The following BRI3 variants were observed in gnomAD, a reference collection of about 807,000 sequenced individuals.
BRI3 encodes brain protein I3.
Under a neutral mutation model 12.8 loss-of-function variants are expected in BRI3, and 6 were observed. That is an observed-to-expected ratio of 0.47 (90% CI 0.26 to 0.93). The LOEUF (loss-of-function observed/expected upper bound fraction) is 0.93, where lower values mean the gene tolerates loss of function less well. Ranked by LOEUF, BRI3 falls within the 40% of genes least tolerant of loss-of-function variation. The pLI is 0.15. For synonymous variants in BRI3, 91 were observed against 76.1 expected, an observed-to-expected ratio of 1.20 and a Z score of -1.02; for missense variants, 134 against 171.1, an observed-to-expected ratio of 0.78 and a Z score of 1.21.
At chr7:98,296,469 T>C (rs938499219), downstream of BRI3, among the ~76,000 whole-genome samples, 4 of 151,842 alleles carry the variant, frequency 2.6e-5, no homozygotes, top group African/African-American at 9.7e-5. Flanking sequence ...CTACTAAAAA[T>C]ACAAAATTAG....
upstream of BRI3, among the ~76,000 whole-genome samples, chr7:98,304,752 T>C (rs562219280): frequency 1.3e-5 from 2 of 152,146 alleles, no homozygotes; most frequent in African/African-American, 2.4e-5. Context: ...TTTCACCATA[T>C]TGGCCAGGCT....
chr7:98,307,461 A>T (rs1435196477), intron 1 of BRI3: 1 of 1,402,942 alleles, frequency 7.1e-7, no homozygotes, highest in East Asian at 2.7e-5. Context: ...CAGACAGGTG[A>T]CTTCATACGC....
upstream of BRI3, among the ~76,000 whole-genome samples, chr7:98,301,606 C>T (rs376131323): frequency 9.9e-5 from 15 of 151,930 alleles, no homozygotes; most frequent in Non-Finnish European, 1.8e-4. Flanking sequence ...CGTGAGCCAC[C>T]GTGCCCGGCC....
chr7:98,298,567 GGT>G (rs1800287045), intron 1 of BRI3, among the ~76,000 whole-genome samples: 1 of 151,842 alleles, frequency 6.6e-6, no homozygotes, highest in Admixed American at 6.6e-5. Flanking sequence ...GAGCCGAGAT[GGT>G]GCCACTGCAC....
downstream of BRI3, among the ~76,000 whole-genome samples, chr7:98,296,334 ATATG>A (rs1037492837): frequency 6.6e-6 from 1 of 152,220 alleles, no homozygotes; most frequent in African/African-American, 2.4e-5. Context: ...TTACTTTAAA[ATATG>A]TATTGGGCCA....
At chr7:98,293,439 C>G (rs769200120), downstream of BRI3, 12 of 1,318,064 alleles carry the variant, frequency 9.1e-6, no homozygotes, top group Non-Finnish European at 1.1e-5. Context: ...GCTTCCCGAC[C>G]GTCAGCACGT....
chr7:98,318,314 T>A, the BRI3 span, among the ~76,000 whole-genome samples: 1 of 152,160 alleles, frequency 6.6e-6, no homozygotes, highest in South Asian at 2.1e-4. Flanking sequence ...CAAAGTTCCA[T>A]CCAAAGCACT....
chr7:98,282,515 CCA>C, intron 2 of BRI3, 62 bp downstream of exon 2: 1 of 1,380,760 alleles, frequency 7.2e-7, no homozygotes. Context: ...GCCCTAACCC[CCA>C]GGACCTCACA....
downstream of BRI3, chr7:98,312,269 A>G (rs1223943317): frequency 5.0e-6 from 8 of 1,599,694 alleles, no homozygotes; most frequent in Non-Finnish European, 6.8e-6. Flanking sequence ...TGCAGACTGC[A>G]AAGCCAAAAG....
intron 1 of BRI3, among the ~76,000 whole-genome samples, chr7:98,300,549 T>C (rs1800378927): frequency 6.6e-6 from 1 of 152,118 alleles, no homozygotes; most frequent in African/African-American, 2.4e-5. Context: ...CTGGCTGAGA[T>C]TTCAGAACTG....
At chr7:98,303,979 C>T (rs1183325906), upstream of BRI3, among the ~76,000 whole-genome samples, 2 of 152,182 alleles carry the variant, frequency 1.3e-5, no homozygotes, top group Non-Finnish European at 2.9e-5. Context: ...ATAGAGTCCA[C>T]ATGAAAGAAG....
chr7:98,315,915 G>A, the BRI3 span, among the ~76,000 whole-genome samples: 1 of 152,174 alleles, frequency 6.6e-6, no homozygotes, highest in South Asian at 2.1e-4. Context: ...AGCACCACGG[G>A]CTTTGGAACC....
intron 1 of BRI3, among the ~76,000 whole-genome samples, chr7:98,298,662 C>A (rs931088376): frequency 6.6e-6 from 1 of 152,066 alleles, no homozygotes; most frequent in African/African-American, 2.4e-5. Context: ...CTCATGGATC[C>A]CAGTGTTTGG....
At chr7:98,303,673 C>T (rs2116836096), upstream of BRI3, among the ~76,000 whole-genome samples, 1 of 152,296 alleles carries the variant, frequency 6.6e-6, no homozygotes, top group African/African-American at 2.4e-5. Flanking sequence ...GAGCCCAGGA[C>T]CTCCATGCTG....
At chr7:98,310,696 ATTTAT>A, downstream of BRI3, 1 of 928,074 alleles carries the variant, frequency 1.1e-6, no homozygotes, top group South Asian at 2.2e-5. Flanking sequence ...CTATTTATTT[ATTTAT>A]TTTGAGACAG....
intron 2 of BRI3, among the ~76,000 whole-genome samples, chr7:98,289,041 A>G (rs1018950159): frequency 6.6e-6 from 1 of 151,966 alleles, no homozygotes; most frequent in Admixed American, 6.6e-5. Context: ...GCTCACTGCA[A>G]CCTCTGCCTC....
chr7:98,301,866 T>C (rs576105616), upstream of BRI3, among the ~76,000 whole-genome samples: 1 of 152,196 alleles, frequency 6.6e-6, no homozygotes, highest in East Asian at 1.9e-4. Context: ...GTGGTGGTGG[T>C]GTCCACATGG....
chr7:98,307,787 G>T, exon 2 of BRI3: 1 of 1,614,272 alleles, frequency 6.2e-7, no homozygotes, highest in Non-Finnish European at 8.5e-7. Context: ...GTAAGGTCTT[G>T]TTGGAGCCCG....
At chr7:98,320,269 G>C in the BRI3 span, 1 of 1,609,538 alleles carries the variant, frequency 6.2e-7, no homozygotes, top group Admixed American at 1.7e-5. Context: ...AGTTTCTTGT[G>C]GGTACTTGAA....
Sources: allele counts gnomAD v4.1 joint callset (sites outside exome capture counted in the v4.1 genomes callset), GRCh38; gene constraint gnomAD v4.1.1; transcripts MANE v1.5; gene names NCBI Gene and HGNC (gene_info 2026-07-23, HGNC 2026-07-21).